Variants in PPP1R21 observed in about 807,000 individuals in gnomAD.
The protein encoded by PPP1R21 is KLRAQ motif containing 1.
A neutral mutation model predicts 112.8 loss-of-function variants in PPP1R21; 85 were observed. The ratio of observed to expected loss-of-function variants is 0.75; its 90% CI spans 0.63 to 0.90. The LOEUF is 0.90. Among genes scored for constraint, PPP1R21 ranks in the 40% least tolerant of loss-of-function variants. The pLI, the probability that PPP1R21 is intolerant of heterozygous loss-of-function variation, is 0.00. For synonymous variants in PPP1R21, 381 were observed against 322.3 expected (o/e 1.18, Z -1.95); for missense variants, 1,199 against 901.5 (o/e 1.33, Z -4.23).
chr2:48,454,763 T>G, intron 3 of PPP1R21, 22 bp downstream of exon 3: 1 of 1,599,136 alleles, frequency 6.3e-7, no homozygotes, highest in South Asian at 1.1e-5. Context: ...TACAGGCAAG[T>G]TAGTGTGACC....
At chr2:48,445,954 T>A (rs1334051626) in intron 1 of PPP1R21, among the ~76,000 whole-genome samples, 2 of 152,234 alleles carry the variant, frequency 1.3e-5, no homozygotes, top group Non-Finnish European at 2.9e-5. Flanking sequence ...ATACTGCAGC[T>A]GGGGTCTGCA....
intron 13 of PPP1R21, among the ~76,000 whole-genome samples, chr2:48,482,494 A>G (rs1298762145): frequency 6.6e-6 from 1 of 152,176 alleles, no homozygotes; most frequent in Admixed American, 6.5e-5. Flanking sequence ...GATTTTTTAT[A>G]ACAGTATCAA....
rs868010765 is a variant in PPP1R21, at chr2:48,469,485, G to T, written c.898-1602G>T. Among the ~76,000 whole-genome samples the T allele has an allele frequency of 3.8e-4, 13 of 34,530 alleles. 1 individual carries two copies. The highest frequency in any genetic ancestry group is 1.3e-3 in the Admixed American group (4 of 3,042). 22.7% of individuals were successfully genotyped at this position (34,530 alleles called of 152,430 possible). A position where few individuals can be genotyped will look rare whatever the true frequency, so the allele number is the denominator to read the frequency against. On this transcript the variant is annotated intron_variant, in intron 9 of 21. Coordinates refer to ENST00000294952, the MANE Select transcript of PPP1R21 (RefSeq NM_001135629.3). ...TATATAGAGCATATATATATATATA[G>T]AGCATATATATATATATATAGAGCA...
intron 17 of PPP1R21, 99 bp from the exon 18 acceptor site, chr2:48,505,465 G>A: frequency 2.3e-6 from 2 of 869,678 alleles, no homozygotes; most frequent in East Asian, 2.6e-5. Context: ...TACCCTCAAT[G>A]CTCTGTGAAC....
chr2:48,446,894 G>A (rs1256268721), intron 1 of PPP1R21, among the ~76,000 whole-genome samples: 1 of 152,098 alleles, frequency 6.6e-6, no homozygotes, highest in African/African-American at 2.4e-5. Context: ...GGGATTACAT[G>A]CGCCTGCCAC....
At chr2:48,442,497 G>T (rs928650501) in intron 1 of PPP1R21, among the ~76,000 whole-genome samples, 1 of 152,206 alleles carries the variant, frequency 6.6e-6, no homozygotes, top group African/African-American at 2.4e-5. Flanking sequence ...ATGTAAGCTT[G>T]TTTAGCAGAC....
intron 11 of PPP1R21, among the ~76,000 whole-genome samples, chr2:48,472,687 G>C (rs1668573576): frequency 1.3e-5 from 2 of 152,096 alleles, no homozygotes; most frequent in African/African-American, 4.8e-5. Context: ...GGTGGCACAT[G>C]CCTGTAATCC....
chr2:48,507,303 A>G lies in PPP1R21; in HGVS notation c.2003A>G (p.Lys668Arg). The G allele has an allele frequency of 6.3e-7, 1 of 1,578,480 alleles. No homozygotes were observed. Among genetic ancestry groups the G allele is most frequent in the South Asian group, 1.2e-5 (1 of 84,310 alleles). Residue 668 changes from lysine (K) to arginine (R), a missense_variant, in exon 19 of 22, where the codon AAA (lysine) becomes AGA (arginine). By Grantham distance (26) the Lys-to-Arg change is conservative. Coordinates refer to ENST00000294952, the MANE Select transcript of PPP1R21 (RefSeq NM_001135629.3). ...GTGGAATCTCGTGAAGACTTAATTA[A>G]AAATCACTACATGGCAAGGATAGTG... ...PDVESREDLI[K>R]NHYMARIVEL...
chr2:48,461,339 C>T (rs1045866484), intron 7 of PPP1R21, 107 bp downstream of exon 7: 3 of 1,340,350 alleles, frequency 2.2e-6, no homozygotes, highest in Non-Finnish European at 2.9e-6. Context: ...TTAATTGGCC[C>T]CACAGAAGAT....
chr2:48,512,280 T>A (rs939337344), intron 21 of PPP1R21, among the ~76,000 whole-genome samples: 1 of 152,220 alleles, frequency 6.6e-6, no homozygotes, highest in Non-Finnish European at 1.5e-5. Flanking sequence ...CATATCCACA[T>A]ACCGTGTCTT....
intron 18 of PPP1R21, 130 bp from the exon 19 acceptor site, chr2:48,507,139 A>G (rs572146381): frequency 7.7e-7 from 1 of 1,297,338 alleles, no homozygotes; most frequent in South Asian, 2.0e-5. Flanking sequence ...TCGAGGGGGT[A>G]GGAAAACAGT....
At chr2:48,494,055 C>G (rs1276179106) in intron 15 of PPP1R21, among the ~76,000 whole-genome samples, 1 of 75,302 alleles carries the variant, frequency 1.3e-5, no homozygotes, top group Non-Finnish European at 2.7e-5. Context: ...GACCTCGTCT[C>G]TCCAAAAAAA....
At chr2:48,445,773 A>G (rs1667219136) in intron 1 of PPP1R21, among the ~76,000 whole-genome samples, 1 of 152,146 alleles carries the variant, frequency 6.6e-6, no homozygotes, top group Non-Finnish European at 1.5e-5. Flanking sequence ...TGCCTCAGTG[A>G]CAAAGTAACC....
At chr2:48,502,139 C>A (rs964050079) in intron 17 of PPP1R21, 1 of 152,100 alleles carries the variant, frequency 6.6e-6, no homozygotes, top group Non-Finnish European at 1.5e-5. Context: ...AAAAAAATTT[C>A]TAGGGAGGGA....
intron 15 of PPP1R21, among the ~76,000 whole-genome samples, 180 bp from the exon 16 acceptor site, chr2:48,495,499 G>T (rs184041151): frequency 1.3e-5 from 2 of 152,264 alleles, no homozygotes; most frequent in East Asian, 3.9e-4. Context: ...ACCGCGCCCA[G>T]GCTATTATTT....
intron 13 of PPP1R21, among the ~76,000 whole-genome samples, chr2:48,482,081 T>C (rs1033333989): frequency 1.3e-5 from 2 of 152,252 alleles, no homozygotes; most frequent in African/African-American, 4.8e-5. Context: ...AAAACACTGC[T>C]GGTCCTAAGC....
intron 13 of PPP1R21, 116 bp from the exon 14 acceptor site, chr2:48,486,515 T>C: frequency 1.3e-6 from 1 of 773,918 alleles, no homozygotes; most frequent in Admixed American, 2.5e-5. Context: ...GAGACCATTC[T>C]TTGTCAAATT....
chr2:48,452,256 ATGGTAG>A (rs1449446380), intron 2 of PPP1R21, among the ~76,000 whole-genome samples: 1 of 152,158 alleles, frequency 6.6e-6, no homozygotes, highest in Non-Finnish European at 1.5e-5. Flanking sequence ...GATGGCAGTA[ATGGTAG>A]GAACAGTGGT....
At chr2:48,469,306 TATAC>T (rs1393044962) in intron 9 of PPP1R21, among the ~76,000 whole-genome samples, 11 of 130,392 alleles carry the variant, frequency 8.4e-5, no homozygotes, top group African/African-American at 3.2e-4. Flanking sequence ...TATGTATATA[TATAC>T]ACACACACAC....
Sources: allele counts gnomAD v4.1 joint callset (sites outside exome capture counted in the v4.1 genomes callset), GRCh38; gene constraint gnomAD v4.1.1; transcripts MANE v1.5; gene names NCBI Gene and HGNC (gene_info 2026-07-23, HGNC 2026-07-21).